The following AOPEP variants were observed in gnomAD, a reference collection of about 807,000 sequenced individuals.
AOPEP encodes the protein aminopeptidase O.
In AOPEP, 77 loss-of-function variants were observed where a neutral mutation model predicts 98.1. The observed-to-expected ratio is 0.78, with a 90% CI of 0.65 to 0.95. AOPEP has a LOEUF of 0.95. Ranked by LOEUF, AOPEP falls within the 40% of genes least tolerant of loss-of-function variation. AOPEP has a pLI of 0.00. For synonymous variants in AOPEP, 346 were observed against 365.3 expected (o/e 0.95, Z 0.60); for missense variants, 1,024 against 1,024.7 (o/e 1.00, Z 0.01).
intron 9 of AOPEP, among the ~76,000 whole-genome samples, chr9:94,966,539 A>C (rs1331126210): frequency 1.3e-5 from 2 of 152,228 alleles, no homozygotes; most frequent in Non-Finnish European, 2.9e-5. Flanking sequence ...TCAAGTATAG[A>C]TCTTACTTGT....
chr9:95,148,137 A>C, the AOPEP span, among the ~76,000 whole-genome samples: 4 of 152,212 alleles, frequency 2.6e-5, no homozygotes, highest in Non-Finnish European at 5.9e-5. Context: ...CTGCATTTTC[A>C]CATATGAATG....
At chr9:95,126,507 G>A in the AOPEP span, 2 of 1,610,286 alleles carry the variant, frequency 1.2e-6, no homozygotes, top group Non-Finnish European at 8.5e-7. Context: ...TCAATTACTA[G>A]AAGAAACAGT....
chr9:94,917,663 C>T (rs2053024177), intron 5 of AOPEP, among the ~76,000 whole-genome samples: 1 of 152,198 alleles, frequency 6.6e-6, no homozygotes, highest in Non-Finnish European at 1.5e-5. Flanking sequence ...GCCCACTGCC[C>T]TATAGTATCA....
intron 14 of AOPEP, among the ~76,000 whole-genome samples, chr9:95,071,880 T>C (rs2068547652): frequency 6.6e-6 from 1 of 152,212 alleles, no homozygotes; most frequent in South Asian, 2.1e-4. Context: ...TGCCAGACCA[T>C]GTTTCCTTGT....
chr9:94,853,179 G>A (rs931710825), intron 5 of AOPEP, among the ~76,000 whole-genome samples: 2 of 152,174 alleles, frequency 1.3e-5, no homozygotes, highest in South Asian at 4.2e-4. Context: ...ATTGAACAAG[G>A]CTGGGCGCAG....
intron 11 of AOPEP, among the ~76,000 whole-genome samples, chr9:94,993,743 C>A (rs1261648182): frequency 6.6e-6 from 1 of 152,158 alleles, no homozygotes; most frequent in East Asian, 1.9e-4. Context: ...TTAGCCTTGA[C>A]TTTGCAATAT....
intron 5 of AOPEP, among the ~76,000 whole-genome samples, chr9:94,866,098 C>G (rs571317330): frequency 6.6e-6 from 1 of 152,294 alleles, no homozygotes; most frequent in South Asian, 2.1e-4. Flanking sequence ...GTAACCAGAC[C>G]GTAGCAAGGA....
chr9:94,774,783 T>A (rs1489850867), intron 3 of AOPEP, among the ~76,000 whole-genome samples: 2 of 152,214 alleles, frequency 1.3e-5, no homozygotes, highest in Non-Finnish European at 2.9e-5. Context: ...CATAATGTTT[T>A]CCAGAAAGGC....
At chr9:94,933,049 A>G (rs949946801) in intron 7 of AOPEP, 1 of 985,544 alleles carries the variant, frequency 1.0e-6, no homozygotes, top group South Asian at 4.7e-5. Context: ...GGACTCTCCC[A>G]GACTCTTCAT....
intron 7 of AOPEP, among the ~76,000 whole-genome samples, chr9:94,935,712 G>A (rs559794170): frequency 6.6e-6 from 1 of 152,280 alleles, no homozygotes; most frequent in African/African-American, 2.4e-5. Context: ...CACACGGGTG[G>A]GGTGTGGGCA....
At chr9:94,791,485 T>C (rs1206609713) in intron 3 of AOPEP, among the ~76,000 whole-genome samples, 1 of 149,134 alleles carries the variant, frequency 6.7e-6, no homozygotes, top group Non-Finnish European at 1.5e-5. Context: ...CTGAGCAACA[T>C]AGTGAGAACC....
the AOPEP span, chr9:95,123,831 C>T: frequency 3.0e-5 from 20 of 660,098 alleles, no homozygotes; most frequent in East Asian, 1.5e-4. Context: ...TTTAGACCTG[C>T]GGATGCTGCC....
At chr9:94,727,803 G>A (rs1456593972) in intron 1 of AOPEP, among the ~76,000 whole-genome samples, 2 of 152,178 alleles carry the variant, frequency 1.3e-5, no homozygotes, top group Non-Finnish European at 2.9e-5. Context: ...TAAGGTTAGG[G>A]TATAATAATA....
chr9:95,009,371 A>C (rs983935646), intron 13 of AOPEP, among the ~76,000 whole-genome samples: 1 of 152,158 alleles, frequency 6.6e-6, no homozygotes. Context: ...CTTTTATGAA[A>C]TAATATACTT....
At chr9:95,053,429 C>A (rs2133825025) in intron 13 of AOPEP, among the ~76,000 whole-genome samples, 1 of 152,264 alleles carries the variant, frequency 6.6e-6, no homozygotes, top group South Asian at 2.1e-4. Context: ...CCATCTCATT[C>A]TTTTTAATAG....
At chr9:94,736,829 A>T (rs1300209346) in intron 1 of AOPEP, among the ~76,000 whole-genome samples, 1 of 152,194 alleles carries the variant, frequency 6.6e-6, no homozygotes, top group Non-Finnish European at 1.5e-5. Context: ...GGTACTCAAA[A>T]TCTGGGCCCA....
chr9:94,944,621 A>G (rs1416932984), intron 7 of AOPEP, among the ~76,000 whole-genome samples: 1 of 152,166 alleles, frequency 6.6e-6, no homozygotes, highest in Non-Finnish European at 1.5e-5. Context: ...CTGGAGTGCC[A>G]TGGCACGATC....
chr9:95,001,362 C>G (rs1345426545), intron 11 of AOPEP, among the ~76,000 whole-genome samples: 1 of 152,226 alleles, frequency 6.6e-6, no homozygotes, highest in East Asian at 1.9e-4. Context: ...CCTTTCAAAA[C>G]ATGCGTATCT....
chr9:95,131,977 G>C, the AOPEP span, among the ~76,000 whole-genome samples: 2 of 152,174 alleles, frequency 1.3e-5, no homozygotes, highest in African/African-American at 4.8e-5. Flanking sequence ...GTTCTTATTA[G>C]ATAAAGTAAT....
Sources: gnomAD v4.1 joint callset for allele counts (sites outside exome capture counted in the v4.1 genomes callset) on GRCh38, gnomAD v4.1.1 for gene constraint, MANE v1.5 for transcripts, NCBI Gene and HGNC (gene_info 2026-07-23, HGNC 2026-07-21) for gene names.